RAB23: variants seen among roughly 807,000 people sequenced by gnomAD.
RAB23 encodes the protein ras-related protein Rab-23.
Under a neutral mutation model 30.0 loss-of-function variants are expected in RAB23, and 15 were observed. The observed-to-expected ratio is 0.50, with a 90% CI of 0.33 to 0.77. The LOEUF (loss-of-function observed/expected upper bound fraction) is 0.77. RAB23 is among the 30% of genes least tolerant of loss of function. The pLI, the probability that RAB23 is intolerant of heterozygous loss-of-function variation, is 0.02. For synonymous variants in RAB23, 93 were observed against 94.0 expected, an observed-to-expected ratio of 0.99 and a Z score of 0.06; for missense variants, 243 against 275.4, an observed-to-expected ratio of 0.88 and a Z score of 0.83.
intron 3 of RAB23, among the ~76,000 whole-genome samples, chr6:57,199,891 A>G (rs1388386446): frequency 6.6e-6 from 1 of 152,210 alleles, no homozygotes; most frequent in Non-Finnish European, 1.5e-5. Flanking sequence ...CCCTAACTGA[A>G]TATCATCTTC....
chr6:57,208,467 C>T (rs940135136), intron 2 of RAB23, among the ~76,000 whole-genome samples: 17 of 151,700 alleles, frequency 1.1e-4, no homozygotes, highest in African/African-American at 3.4e-4. Context: ...GCCAACATGG[C>T]GAAACCCTGT....
At chr6:57,205,599 T>C (rs1025800706) in intron 3 of RAB23, among the ~76,000 whole-genome samples, 2 of 152,140 alleles carry the variant, frequency 1.3e-5, no homozygotes, top group Non-Finnish European at 2.9e-5. Flanking sequence ...TGTTCAGGGA[T>C]GAGGGCCACA....
At chr6:57,198,645 C>T (rs1562652611) in intron 3 of RAB23, among the ~76,000 whole-genome samples, 1 of 151,080 alleles carries the variant, frequency 6.6e-6, no homozygotes, top group African/African-American at 2.4e-5. Context: ...TGTGCCACCG[C>T]ACTCCAGCAT....
chr6:57,209,141 C>A (rs1369455147), intron 2 of RAB23, among the ~76,000 whole-genome samples: 1 of 152,088 alleles, frequency 6.6e-6, no homozygotes, highest in Non-Finnish European at 1.5e-5. Context: ...ACAAAAAGGA[C>A]ATGTGTTTAC....
intron 1 of RAB23, among the ~76,000 whole-genome samples, chr6:57,212,127 C>T (rs1236314488): frequency 6.6e-6 from 1 of 152,200 alleles, no homozygotes; most frequent in Non-Finnish European, 1.5e-5. Context: ...TTAGCTCTCC[C>T]TTCATGAGCT....
At chr6:57,212,925 G>C (rs1218957926) in intron 1 of RAB23, among the ~76,000 whole-genome samples, 1 of 151,982 alleles carries the variant, frequency 6.6e-6, no homozygotes, top group Non-Finnish European at 1.5e-5. Context: ...CCTGATGCCT[G>C]CATCTTGCCC....
chr6:57,215,440 C>T (rs1000343202), intron 1 of RAB23, among the ~76,000 whole-genome samples: 4 of 152,254 alleles, frequency 2.6e-5, no homozygotes, highest in African/African-American at 7.2e-5. Context: ...GTAATTTGAA[C>T]GACAGTGAAT....
intron 3 of RAB23, among the ~76,000 whole-genome samples, chr6:57,204,151 T>C (rs1308937718): frequency 6.6e-6 from 1 of 152,212 alleles, no homozygotes; most frequent in Non-Finnish European, 1.5e-5. Context: ...TGTAAGTTTG[T>C]AAATAAGCAA....
At chr6:57,220,733 T>A (rs1766023845) in intron 1 of RAB23, among the ~76,000 whole-genome samples, 1 of 152,216 alleles carries the variant, frequency 6.6e-6, no homozygotes. Context: ...GGGATCACAT[T>A]AGGTTTTTTT....
intron 3 of RAB23, among the ~76,000 whole-genome samples, chr6:57,202,162 C>T (rs1765292162): frequency 6.6e-6 from 1 of 152,020 alleles, no homozygotes; most frequent in Non-Finnish European, 1.5e-5. Context: ...GTGTTTCTAC[C>T]ACTACATTTG....
chr6:57,213,954 A>T (rs1765746351), intron 1 of RAB23, among the ~76,000 whole-genome samples: 1 of 151,302 alleles, frequency 6.6e-6, no homozygotes, highest in South Asian at 2.1e-4. Context: ...GTGGTGTCAG[A>T]AAAGACCAAC....
At chr6:57,193,774 A>C (rs973301928) in intron 6 of RAB23, 68 bp downstream of exon 6, 1 of 1,560,340 alleles carries the variant, frequency 6.4e-7, no homozygotes, top group African/African-American at 1.4e-5. Context: ...TCTGAAAGAA[A>C]TGAGCATATT....
At chr6:57,207,495 T>TA in intron 3 of RAB23, 133 bp downstream of exon 3, 1 of 653,764 alleles carries the variant, frequency 1.5e-6, no homozygotes, top group Non-Finnish European at 2.7e-6. Context: ...ACTGGGGTTT[T>TA]AAAAAATACT....
chr6:57,215,660 G>A (rs1377511916), intron 1 of RAB23, among the ~76,000 whole-genome samples: 2 of 151,852 alleles, frequency 1.3e-5, no homozygotes, highest in Admixed American at 6.6e-5. Context: ...AGTTCTCAGT[G>A]GAAAAGAAAT....
intron 3 of RAB23, among the ~76,000 whole-genome samples, chr6:57,205,590 G>A (rs369919160): frequency 6.6e-6 from 1 of 152,168 alleles, no homozygotes. Flanking sequence ...ATTATTAACT[G>A]TTCAGGGATG....
rs1160055607 is a variant in RAB23 at position 57,207,732 on chromosome 6, T to C, written c.156-19A>G. The C allele has an allele frequency of 2.7e-6, 4 of 1,472,900 alleles. No individual in the cohort carries two copies. The highest frequency in any genetic ancestry group is 3.8e-6 in the Non-Finnish European group (4 of 1,054,866). 91.2% of individuals were successfully genotyped at this position (1,472,900 alleles called of 1,614,324 possible). A position where few individuals can be genotyped will look rare whatever the true frequency, so the allele number is the denominator to read the frequency against. On this transcript the variant is annotated intron_variant, in intron 2 of 6. Coordinates refer to ENST00000468148, the MANE Select transcript of RAB23 (RefSeq NM_016277.5). The stretch of plus-strand genomic sequence containing the variant: ...ATTAACTCTAAAACAAGAGATGAAT[T>C]TATTTCATATGTAAAGGAAAATGTT...
intron 2 of RAB23, among the ~76,000 whole-genome samples, chr6:57,208,248 G>A (rs1051461958): frequency 2.0e-5 from 3 of 152,086 alleles, no homozygotes; most frequent in African/African-American, 4.8e-5. Context: ...TAAGATTAAC[G>A]TTTTGGGAAG....
At chr6:57,207,521 C>G in intron 3 of RAB23, 107 bp downstream of exon 3, 1 of 746,900 alleles carries the variant, frequency 1.3e-6, no homozygotes, top group Non-Finnish European at 2.3e-6. Context: ...ATTATTTTAA[C>G]TATTCTTCAA....
intron 1 of RAB23, among the ~76,000 whole-genome samples, chr6:57,218,418 T>C (rs1765926459): frequency 6.6e-6 from 1 of 152,202 alleles, no homozygotes; most frequent in African/African-American, 2.4e-5. Context: ...ACAATCAATG[T>C]AATCCACCAT....
Sources: gnomAD v4.1 joint callset for allele counts (sites outside exome capture counted in the v4.1 genomes callset) on GRCh38, gnomAD v4.1.1 for gene constraint, MANE v1.5 for transcripts, NCBI Gene and HGNC (gene_info 2026-07-23, HGNC 2026-07-21) for gene names.